SULF2: variants seen among roughly 807,000 people sequenced by gnomAD.
SULF2 encodes extracellular sulfatase Sulf-2.
In SULF2, 52 loss-of-function variants were observed where a neutral mutation model predicts 107.7. That is an observed-to-expected ratio of 0.48 (90% CI 0.39 to 0.61). The LOEUF is 0.61. SULF2 is among the 20% of genes least tolerant of loss of function. The pLI is 0.00. For synonymous variants in SULF2, 460 were observed against 464.3 expected, an observed-to-expected ratio of 0.99 and a Z score of 0.12; for missense variants, 993 against 1,177.3, an observed-to-expected ratio of 0.84 and a Z score of 2.29.
intron 1 of SULF2, among the ~76,000 whole-genome samples, chr20:47,764,575 G>A (rs1376726141): frequency 6.6e-6 from 1 of 152,202 alleles, no homozygotes; most frequent in Admixed American, 6.5e-5. Flanking sequence ...GCCAATAAGC[G>A]AGAGGGAGTC....
At chr20:47,756,003 A>T (rs1474291944) in intron 2 of SULF2, among the ~76,000 whole-genome samples, 1 of 152,028 alleles carries the variant, frequency 6.6e-6, no homozygotes, top group Non-Finnish European at 1.5e-5. Context: ...AGCCTCCCTT[A>T]GTTCTCTGGC....
At chr20:47,721,870 G>T (rs1006281125) in intron 3 of SULF2, among the ~76,000 whole-genome samples, 1 of 152,238 alleles carries the variant, frequency 6.6e-6, no homozygotes, top group Non-Finnish European at 1.5e-5. Flanking sequence ...GACAATCAGG[G>T]TATCTCCTTT....
chr20:47,705,308 G>A (rs753048225), intron 3 of SULF2, among the ~76,000 whole-genome samples: 2 of 152,300 alleles, frequency 1.3e-5, no homozygotes, highest in Middle Eastern at 3.4e-3. Context: ...AAAATAAACG[G>A]GAAGAACCTG....
Position 47,663,607 on chromosome 20 carries a change from C to T in SULF2, c.2073G>A (p.Glu691=). The T allele has an allele frequency of 6.3e-7, 1 of 1,594,430 alleles. No homozygotes were observed. The highest frequency in any genetic ancestry group is 8.5e-7 in the Non-Finnish European group (1 of 1,169,896). The stretch of plus-strand genomic sequence containing the variant: ...CCCGCAACAGCCACACCTTGTCCTT[C>T]TCTTGCAGGCCCTTCCTATGGGCGC... ...SLHPFRKGLQ[E]KDKVWLLREQ... is the part of the protein sequence containing the mutation. Residue 691 remains glutamate (E), a synonymous_variant, in exon 16 of 21, where the codon GAG becomes GAA. Coordinates refer to ENST00000688720, the MANE Select transcript of SULF2 (RefSeq NM_001387048.1).
At chr20:47,727,060 G>GC (rs1170904859) in intron 3 of SULF2, among the ~76,000 whole-genome samples, 2 of 20,684 alleles carry the variant, frequency 9.7e-5, no homozygotes, top group Middle Eastern at 0.038. Flanking sequence ...AGCCTTTATG[G>GC]GGGGGGGCGG....
chr20:47,720,024 C>T (rs1195100745), intron 3 of SULF2, among the ~76,000 whole-genome samples: 1 of 152,212 alleles, frequency 6.6e-6, no homozygotes, highest in African/African-American at 2.4e-5. Flanking sequence ...ACTGCACTCA[C>T]TGCAAGCTCC....
At chr20:47,690,596 G>C (rs1379704223) in intron 4 of SULF2, among the ~76,000 whole-genome samples, 1 of 152,180 alleles carries the variant, frequency 6.6e-6, no homozygotes, top group South Asian at 2.1e-4. Context: ...AAATAGGCTG[G>C]GTGGGATGGC....
Position 47,742,927 on chromosome 20 carries a change from ATTTTTTTTTTTTTT to A in SULF2, c.176-5999_176-5986del, listed in dbSNP as rs397837137. ...AGGGAGTTTCAGGATTCAAAACATG[ATTTTTTTTTTTTTT>A]TTTTTTTTTTTTTTTTGCCATTCCT... On this transcript the variant is annotated intron_variant, in intron 2 of 20. Coordinates refer to ENST00000688720, the MANE Select transcript of SULF2 (RefSeq NM_001387048.1). Among the ~76,000 whole-genome samples the A allele has an allele frequency of 3.7e-4, 37 of 99,454 alleles. 1 individual carries two copies. Among genetic ancestry groups the A allele is most frequent in the Admixed American group, 1.4e-3 (12 of 8,508 alleles). 65.2% of individuals were successfully genotyped at this position (99,454 alleles called of 152,430 possible).
In SULF2 at chr20:47,690,819, C is replaced by T. The variant is rs892798010; in HGVS notation, c.568-524G>A. ...AGGAGGTGGAGGCTGCAGTGAGCCA[C>T]GACTGCATGATTGCACTCCAGCCTG... On this transcript the variant is annotated intron_variant, in intron 4 of 20. Coordinates refer to ENST00000688720, the MANE Select transcript of SULF2 (RefSeq NM_001387048.1). Among the ~76,000 whole-genome samples the T allele has an allele frequency of 3.4e-5, 5 of 148,232 alleles. No homozygotes were observed. The East Asian group carries it at 5.9e-4, about 18-fold the overall frequency.
At chr20:47,713,983 C>T (rs1305031776) in intron 3 of SULF2, among the ~76,000 whole-genome samples, 11 of 151,944 alleles carry the variant, frequency 7.2e-5, no homozygotes, top group Non-Finnish European at 1.5e-4. Flanking sequence ...GTGAAGTCGG[C>T]TGAGCATGAC....
chr20:47,716,277 G>A (rs2089117938), intron 3 of SULF2, among the ~76,000 whole-genome samples: 2 of 152,224 alleles, frequency 1.3e-5, no homozygotes, highest in South Asian at 2.1e-4. Context: ...GAGGCTGGGC[G>A]TGATGACTTA....
intron 18 of SULF2, 61 bp from the exon 19 acceptor site, chr20:47,659,791 A>T: frequency 7.6e-7 from 1 of 1,309,298 alleles, no homozygotes; most frequent in Admixed American, 1.8e-5. Flanking sequence ...AACAACCCCA[A>T]CACACCAGAA....
In SULF2 at chr20:47,728,854, T is replaced by C. The variant is rs138678103; in HGVS notation, c.415+7849A>G. Among the ~76,000 whole-genome samples, 1,216 of 152,210 alleles carry C rather than the reference T, an allele frequency of 8.0e-3. 12 individuals carry two copies. Among genetic ancestry groups the C allele is most frequent in the African/African-American group, 0.025 (1,028 of 41,516 alleles). On this transcript the variant is annotated intron_variant, in intron 3 of 20. Transcript: ENST00000688720. ...AGAGATGGGGTTTCACCATGTTGGC[T>C]AGGCTAGTCTCAAACTCCTGACCTC...
chr20:47,742,168 G>A (rs546077426), intron 2 of SULF2, among the ~76,000 whole-genome samples: 2 of 152,318 alleles, frequency 1.3e-5, no homozygotes, highest in South Asian at 4.1e-4. Flanking sequence ...CCATAGCGAC[G>A]AGGCTGTGTA....
chr20:47,727,233 T>G (rs1729604919), intron 3 of SULF2, among the ~76,000 whole-genome samples: 1 of 152,068 alleles, frequency 6.6e-6, no homozygotes, highest in African/African-American at 2.4e-5. Flanking sequence ...CAATCACTGG[T>G]GTCCTGACAG....
Position 47,763,609 on chromosome 20 carries a change from G to A in SULF2, c.-100-6146C>T, listed in dbSNP as rs576801953. Among the ~76,000 whole-genome samples, 3 of 152,346 alleles carry A rather than the reference G, an allele frequency of 2.0e-5. 1 individual carries two copies. The highest frequency in any genetic ancestry group is 4.1e-4 in the South Asian group (2 of 4,826). On this transcript the variant is annotated intron_variant, in intron 1 of 20. Coordinates refer to ENST00000688720, the MANE Select transcript of SULF2 (RefSeq NM_001387048.1). Reference sequence around the variant, plus strand: ...AAGCAAACTGTGGGTGTGCAGATACGTCCCACGGGCTGGGGCCAGAGCCCC... The same window carrying A: ...AAGCAAACTGTGGGTGTGCAGATACATCCCACGGGCTGGGGCCAGAGCCCC...
In SULF2 at chr20:47,661,798, G is replaced by A; in HGVS notation, c.2469C>T (p.Asn823=). 6.4e-7 allele frequency: 1 copy of A among 1,571,744 alleles called. No homozygotes were observed. The highest frequency in any genetic ancestry group is 8.7e-7 in the Non-Finnish European group (1 of 1,150,574). ...CCAGGTCCATGTTTCGAGTCCGGGG[G>A]TTACACTGCTTGTAACCCTTGCAGC... ...LRSCKGYKQC[N]PRTRNMDLGL... is the part of the protein sequence containing the mutation. The change falls in exon 18 of 21, where the codon AAC becomes AAT. Residue 823 remains asparagine, a synonymous_variant. Coordinates refer to ENST00000688720, the MANE Select transcript of SULF2 (RefSeq NM_001387048.1).
At chr20:47,702,151 G>A (rs962766562) in intron 4 of SULF2, among the ~76,000 whole-genome samples, 5 of 152,086 alleles carry the variant, frequency 3.3e-5, no homozygotes, top group African/African-American at 4.8e-5. Context: ...TCAAACTCCC[G>A]GGCTTAAGCA....
rs1310321362 is a variant in SULF2 at position 47,757,288 on chromosome 20, G to C, written c.76C>G (p.Leu26Val). The change falls in exon 2 of 21, where the codon CTG (leucine) becomes GTG (valine). Residue 26 changes from leucine to valine, a missense_variant. Transcript: ENST00000688720. ...CTGCCTTTCAGGCGGTGGTGCGACAGGAAGGCCGAGCTTCCACCCAGCAGG... is the reference window on the plus strand; with the variant it reads ...CTGCCTTTCAGGCGGTGGTGCGACACGAAGGCCGAGCTTCCACCCAGCAGG... ...FSLLGGSSAF[L>V]SHHRLKGRFQ... The C allele has an allele frequency of 1.3e-6, 2 of 1,592,844 alleles. No individual in the cohort carries two copies. Among genetic ancestry groups the C allele is most frequent in the Non-Finnish European group, 1.7e-6 (2 of 1,169,062 alleles).
Sources: allele counts gnomAD v4.1 joint callset (sites outside exome capture counted in the v4.1 genomes callset), GRCh38; gene constraint gnomAD v4.1.1; transcripts MANE v1.5; gene names NCBI Gene and HGNC (gene_info 2026-07-23, HGNC 2026-07-21).